RAD9A: variants seen among roughly 807,000 people sequenced by gnomAD.
The protein encoded by RAD9A is RAD9 checkpoint clamp component A.
RAD9A carries 25 observed loss-of-function variants against 41.2 expected under a neutral mutation model. The ratio of observed to expected loss-of-function variants is 0.61; its 90% CI spans 0.44 to 0.85. RAD9A has a LOEUF of 0.85. Ranked by LOEUF, RAD9A falls within the 40% of genes least tolerant of loss-of-function variation. RAD9A has a pLI of 0.00. For synonymous variants in RAD9A, 252 were observed against 210.6 expected (o/e 1.20, Z -1.70); for missense variants, 514 against 518.3 (o/e 0.99, Z 0.08).
At chr11:67,394,775 C>T (rs1202341723) in intron 5 of RAD9A, among the ~76,000 whole-genome samples, 4 of 151,532 alleles carry the variant, frequency 2.6e-5, no homozygotes, top group East Asian at 1.9e-4. Flanking sequence ...CCACCATGCC[C>T]GGCTAATTTT....
Position 67,398,225 on chromosome 11 carries a change from G to T in RAD9A, c.*666G>T. The T allele has an allele frequency of 2.4e-6, 1 of 417,388 alleles. No individual in the cohort carries two copies. The highest frequency in any genetic ancestry group is 2.9e-5 in the South Asian group (1 of 34,100). 25.9% of individuals were successfully genotyped at this position (417,388 alleles called of 1,614,324 possible). ...CTTTATTCAAGAGACCAGATGGGTT[G>T]CCCCAGGATCCGGCTGCCAGCCCTG... is the stretch of plus-strand genomic sequence containing the variant. On this transcript the variant is annotated 3_prime_UTR_variant, in exon 11 of 11. Coordinates refer to ENST00000307980, the MANE Select transcript of RAD9A (RefSeq NM_004584.3).
At position 67,394,750 on chromosome 11, in the gene RAD9A, G is replaced by C. The variant is rs556759771; in HGVS notation, c.449+960G>C. 4.5e-4 allele frequency among the ~76,000 whole-genome samples: 69 copies of C among 152,136 alleles called. 1 individual carries two copies. In the South Asian group the frequency reaches 9.6e-3, roughly 21 times the overall value. ...CTGCCTCAGCCTCCCGAGTAGCTGG[G>C]ATTACAGGCATGCGCCACCATGCCC... On this transcript the variant is annotated intron_variant, in intron 5 of 10. Coordinates refer to ENST00000307980, the MANE Select transcript of RAD9A (RefSeq NM_004584.3).
At chr11:67,392,903 A>G in intron 3 of RAD9A, 121 bp downstream of exon 3, 1 of 1,332,340 alleles carries the variant, frequency 7.5e-7, no homozygotes, top group Non-Finnish European at 1.0e-6. Flanking sequence ...AGCCCAATCC[A>G]TGCAAAACAC....
At chr11:67,392,373 C>A (rs1186582953) in intron 2 of RAD9A, 142 bp downstream of exon 2, 3 of 894,010 alleles carry the variant, frequency 3.4e-6, no homozygotes, top group Non-Finnish European at 5.0e-6. Context: ...CGGCTGTCAT[C>A]TTCCCAGGCC....
In RAD9A at chr11:67,397,554, G is replaced by C. The variant is rs371679487; in HGVS notation, c.1171G>C (p.Gly391Arg). The C allele has an allele frequency of 6.2e-7, 1 of 1,602,232 alleles. No homozygotes were observed. The highest frequency in any genetic ancestry group is 1.3e-5 in the African/African-American group (1 of 74,704). Residue 391 changes from glycine to arginine, a missense_variant, in exon 11 of 11, where the codon GGC (glycine) becomes CGC (arginine). Physicochemically the swap from Gly to Arg is moderately radical, Grantham distance 125. This residue lies in a region of RAD9A where 216 missense variants were observed against 184.2 expected (regional missense o/e 1.17). Transcript: ENST00000307980. The part of the protein sequence containing the change: ...PVLAEDSEGE[G>R] ...GCTGGCGGAAGACAGTGAGGGTGAAGGCTGAACCAAGAACCTGAAGCCTGT... is the reference window on the plus strand; with the variant it reads ...GCTGGCGGAAGACAGTGAGGGTGAACGCTGAACCAAGAACCTGAAGCCTGT...
At chr11:67,396,670 G>C (rs1419034931) in intron 9 of RAD9A, among the ~76,000 whole-genome samples, 1 of 152,042 alleles carries the variant, frequency 6.6e-6, no homozygotes, top group Non-Finnish European at 1.5e-5. Flanking sequence ...CCGCCCCTCT[G>C]AGCCTCCTCC....
chr11:67,397,161 C>T lies in RAD9A; in HGVS notation c.873-18C>T. The T allele has an allele frequency of 1.9e-6, 3 of 1,592,752 alleles. No homozygotes were observed. The highest frequency in any genetic ancestry group is 2.6e-6 in the Non-Finnish European group (3 of 1,161,254). ...TGCTCCCCCAGTCCCCTCCCTGATA[C>T]TCCGATTCTGCCTACAGCACACCCC... On this transcript the variant is annotated intron_variant, in intron 9 of 10. Transcript: ENST00000307980.
rs1451439392 is a variant in RAD9A, at chr11:67,397,495, C to G, written c.1112C>G (p.Ala371Gly). ...TCACTGTTCTTCGGCTCCATCCTGG[C>G]CCCTGTACGCTCCCCCCAGGGCCCC... ...FRSLFFGSIL[A>G]PVRSPQGPSP... is the part of the protein sequence containing the mutation. Residue 371 changes from alanine to glycine, a missense_variant, in exon 11 of 11, where the codon GCC becomes GGC. Ala to Gly is a moderately conservative substitution (Grantham distance 60). Coordinates refer to ENST00000307980, the MANE Select transcript of RAD9A (RefSeq NM_004584.3). 1 of 1,612,436 alleles carries G rather than the reference C, an allele frequency of 6.2e-7. No homozygotes were observed. The highest frequency in any genetic ancestry group is 1.3e-5 in the African/African-American group (1 of 74,858).
chr11:67,393,454 G>C lies in RAD9A; in HGVS notation c.235-42G>C, dbSNP rs746324385. 3.1e-6 allele frequency: 5 copies of C among 1,606,820 alleles called. No individual in the cohort carries two copies. The Admixed American group carries it at 8.4e-5, about 27-fold the overall frequency. ...CCTGCATGGGACAGGAGAGCTTGTTGCAGAGATGTGATGCTAGGCTGAGGT... is the reference window on the plus strand; with the variant it reads ...CCTGCATGGGACAGGAGAGCTTGTTCCAGAGATGTGATGCTAGGCTGAGGT... On this transcript the variant is annotated intron_variant, in intron 3 of 10. Transcript: ENST00000307980.
At position 67,392,190 on chromosome 11, in the gene RAD9A, C is replaced by T; in HGVS notation, c.64C>T (p.Arg22Cys). The change falls in exon 2 of 11, where the codon CGC becomes TGC. Residue 22 changes from arginine (R) to cysteine (C), a missense_variant. Around this residue, in one of 3 missense-constraint regions of RAD9A, gnomAD observed 268 missense variants for 279.3 expected, o/e 0.96. Coordinates refer to ENST00000307980, the MANE Select transcript of RAD9A (RefSeq NM_004584.3). ...VLGKAVHSLS[R>C]IGDELYLEPL... ...CGGCAAGGCCGTCCACTCCCTGTCCCGCATCGGGGACGAGCTCTACCTGGA... is the reference window on the plus strand; with the variant it reads ...CGGCAAGGCCGTCCACTCCCTGTCCTGCATCGGGGACGAGCTCTACCTGGA... 2 of 1,604,298 alleles carry T rather than the reference C, an allele frequency of 1.2e-6. No individual in the cohort carries two copies. The highest frequency in any genetic ancestry group is 2.3e-5 in the East Asian group (1 of 44,302).
chr11:67,397,685 C>A lies in RAD9A; in HGVS notation c.*126C>A. ...TTGCTGGAGCTGAGCTGTTTCACTG[C>A]CTCTCGCAGGCCCCAGCTGGCTGTC... On this transcript the variant is annotated 3_prime_UTR_variant, in exon 11 of 11. Coordinates refer to ENST00000307980, the MANE Select transcript of RAD9A (RefSeq NM_004584.3). The A allele has an allele frequency of 1.1e-6, 1 of 877,414 alleles. No individual in the cohort carries two copies. The highest frequency in any genetic ancestry group is 1.7e-6 in the Non-Finnish European group (1 of 582,922). The allele number at this position is 877,414 out of a possible 1,614,324, so 54.4% of individuals were successfully genotyped here.
chr11:67,397,230 C>G lies in RAD9A; in HGVS notation c.924C>G (p.Ile308Met). 6.2e-7 allele frequency: 1 copy of G among 1,613,828 alleles called. No homozygotes were observed. The highest frequency in any genetic ancestry group is 8.5e-7 in the Non-Finnish European group (1 of 1,179,870). ...ATGACGACATTGACTCTTACATGAT[C>G]GCCATGGAAACCACTATAGGCAATG... Reference protein sequence around the residue: ...FANDDIDSYMIAMETTIGNEG... With the variant: ...FANDDIDSYMMAMETTIGNEG... Residue 308 changes from isoleucine (I) to methionine (M), a missense_variant, in exon 10 of 11, where the codon ATC becomes ATG. Coordinates refer to ENST00000307980, the MANE Select transcript of RAD9A (RefSeq NM_004584.3).
rs543811924 is a variant in RAD9A, at chr11:67,395,938, G to A, written c.586G>A (p.Glu196Lys). Residue 196 changes from glutamate (E) to lysine (K), a missense_variant, in exon 7 of 11, where the codon GAG becomes AAG. Coordinates refer to ENST00000307980, the MANE Select transcript of RAD9A (RefSeq NM_004584.3). The stretch of plus-strand genomic sequence containing the variant: ...CAGCACTGCCAAAGCCATGGTGACT[G>A]AGATGTGCCTTGGAGAGGAGGATTT... Reference protein sequence around the residue: ...ADSTAKAMVTEMCLGEEDFQQ... With the variant: ...ADSTAKAMVTKMCLGEEDFQQ... 1.9e-6 allele frequency: 3 copies of A among 1,614,206 alleles called. No homozygotes were observed. Among genetic ancestry groups the A allele is most frequent in the Admixed American group, 3.3e-5 (2 of 60,030 alleles).
rs367729687 is a variant in RAD9A at position 67,397,534 on chromosome 11, C to T, written c.1151C>T (p.Ala384Val). 7.0e-5 allele frequency: 113 copies of T among 1,609,346 alleles called. No individual in the cohort carries two copies. Among genetic ancestry groups the T allele is most frequent in the Non-Finnish European group, 7.0e-5 (82 of 1,176,976 alleles). The change falls in exon 11 of 11, where the codon GCG (alanine) becomes GTG (valine). Residue 384 changes from alanine (A) to valine (V), a missense_variant. Physicochemically the swap from Ala to Val is moderately conservative, Grantham distance 64 (BLOSUM62 0). Transcript: ENST00000307980. ...RSPQGPSPVL[A>V]EDSEGEG is the part of the protein sequence containing the mutation. The stretch of plus-strand genomic sequence containing the variant: ...CCCCAGGGCCCCAGCCCTGTGCTGG[C>T]GGAAGACAGTGAGGGTGAAGGCTGA...
Position 67,397,308 on chromosome 11 carries a change from C to A in RAD9A, c.1002C>A (p.Pro334=). ...CCCTTTCACCTGGCCCCCAGCCCCC[C>A]AAGAGCCCCGGTCCCCACTCCGAGG... The part of the protein sequence containing the change: ...SISLSPGPQP[P]KSPGPHSEEE... The change falls in exon 10 of 11, where the codon CCC becomes CCA. Residue 334 remains proline (P), a synonymous_variant. Transcript: ENST00000307980. The A allele has an allele frequency of 6.3e-7, 1 of 1,598,274 alleles. No homozygotes were observed. The highest frequency in any genetic ancestry group is 8.5e-7 in the Non-Finnish European group (1 of 1,170,680).
chr11:67,393,710 C>T lies in RAD9A; in HGVS notation c.369C>T (p.Asn123=), dbSNP rs146725160. 3 of 1,613,560 alleles carry T rather than the reference C, an allele frequency of 1.9e-6. No individual in the cohort carries two copies. The highest frequency in any genetic ancestry group is 2.7e-5 in the African/African-American group (2 of 74,908). ...ATCCAGGGGTGCGGAAGACTCACAA[C>T]CTGTCCTTCCAGGACTGTGAGTCCC... ...HCKFGVRKTH[N]LSFQDCESLQ... Residue 123 remains asparagine (N), a synonymous_variant, in exon 5 of 11, where the codon AAC becomes AAT. Coordinates refer to ENST00000307980, the MANE Select transcript of RAD9A (RefSeq NM_004584.3).
rs1412913450 is a variant in RAD9A, at chr11:67,393,764, C to T, written c.423C>T (p.Cys141=). The change falls in exon 5 of 11, where the codon TGC becomes TGT. Residue 141 remains cysteine (C), a synonymous_variant. Transcript: ENST00000307980. ...AGGCCGTCTTCGACCCAGCCTCGTG[C>T]CCCCACATGCTCCGCGCCCCAGCAC... is the stretch of plus-strand genomic sequence containing the variant. ...SLQAVFDPAS[C]PHMLRAPARV... 7 of 1,611,122 alleles carry T rather than the reference C, an allele frequency of 4.3e-6. No individual in the cohort carries two copies. The highest frequency in any genetic ancestry group is 3.3e-5 in the South Asian group (3 of 90,674).
In RAD9A at chr11:67,397,838, A is replaced by G; in HGVS notation, c.*279A>G. 1 of 432,128 alleles carries G rather than the reference A, an allele frequency of 2.3e-6. No homozygotes were observed. Among genetic ancestry groups the G allele is most frequent in the Non-Finnish European group, 4.2e-6 (1 of 240,392 alleles). The allele number at this position is 432,128 out of a possible 1,614,324, so 26.8% of individuals were successfully genotyped here. A position where few individuals can be genotyped will look rare whatever the true frequency, so the allele number is the denominator to read the frequency against. On this transcript the variant is annotated 3_prime_UTR_variant, in exon 11 of 11. Transcript: ENST00000307980. ...TACCTCTTATTTCTCATTGAGCCTCAGGCTATACTCCAGCTGGCCAAGGCT... is the reference window on the plus strand; with the variant it reads ...TACCTCTTATTTCTCATTGAGCCTCGGGCTATACTCCAGCTGGCCAAGGCT...
chr11:67,396,358 C>T lies in RAD9A; in HGVS notation c.830C>T (p.Ser277Phe). The T allele has an allele frequency of 2.5e-6, 4 of 1,613,906 alleles. No individual in the cohort carries two copies. The highest frequency in any genetic ancestry group is 2.5e-6 in the Non-Finnish European group (3 of 1,180,006). ...DTDSHSQDLGSPERHQPVPQL... is the reference protein window; with the variant it reads ...DTDSHSQDLGFPERHQPVPQL... ...GACTCGCACTCCCAGGACCTGGGCT[C>T]CCCAGAGCGTCACCAGCCAGTGCCT... is the stretch of plus-strand genomic sequence containing the variant. Residue 277 changes from serine to phenylalanine, a missense_variant, in exon 9 of 11, where the codon TCC becomes TTC. This residue lies in a region of RAD9A where 216 missense variants were observed against 184.2 expected (regional missense o/e 1.17). Coordinates refer to ENST00000307980, the MANE Select transcript of RAD9A (RefSeq NM_004584.3).
Sources: allele counts gnomAD v4.1 joint callset (sites outside exome capture counted in the v4.1 genomes callset), GRCh38; gene constraint gnomAD v4.1.1; regional missense constraint gnomAD v4.1.1; transcripts MANE v1.5; gene names NCBI Gene and HGNC (gene_info 2026-07-23, HGNC 2026-07-21).